Variants in SLC38A6 observed in about 807,000 individuals in gnomAD.
SLC38A6 encodes the protein solute carrier family 38 member 6.
A neutral mutation model predicts 65.0 loss-of-function variants in SLC38A6; 73 were observed. The observed-to-expected ratio is 1.12, with a 90% CI of 0.93 to 1.37. SLC38A6 has a LOEUF of 1.37. SLC38A6 is among the 40% of genes most tolerant of loss of function. The pLI is 0.00. For missense variants in SLC38A6, 561 were observed against 531.1 expected (o/e 1.06, Z -0.55); for synonymous variants, 183 against 178.8 (o/e 1.02, Z -0.19).
At chr14:61,028,974 A>G (rs556183368) in intron 5 of SLC38A6, among the ~76,000 whole-genome samples, 75 of 152,238 alleles carry the variant, frequency 4.9e-4, no homozygotes, top group African/African-American at 1.8e-3. Context: ...TGATTGAGAA[A>G]TATACATTCT....
chr14:61,038,926 T>C (rs1291701437), intron 8 of SLC38A6, among the ~76,000 whole-genome samples: 1 of 152,158 alleles, frequency 6.6e-6, no homozygotes, highest in Non-Finnish European at 1.5e-5. Context: ...AGAAAAAAAC[T>C]AAATATTTCC....
At chr14:61,061,995 G>A (rs544147085) in intron 15 of SLC38A6, among the ~76,000 whole-genome samples, 2 of 151,902 alleles carry the variant, frequency 1.3e-5, no homozygotes, top group Non-Finnish European at 2.9e-5. Flanking sequence ...CCACCACTAC[G>A]CCTGGCTAAT....
intron 8 of SLC38A6, 99 bp downstream of exon 8, chr14:61,037,782 T>A: frequency 1.4e-6 from 1 of 730,094 alleles, no homozygotes; most frequent in Non-Finnish European, 2.2e-6. Context: ...GGGAAGGGTA[T>A]CTCATTTTAT....
chr14:61,073,396 C>T (rs749560426), intron 15 of SLC38A6, among the ~76,000 whole-genome samples: 8 of 152,162 alleles, frequency 5.3e-5, no homozygotes, highest in Admixed American at 1.3e-4. Flanking sequence ...CTTAAAGGCT[C>T]CATCTCCCAA....
rs36081997 is a variant in SLC38A6 at position 61,023,600 on chromosome 14, TAC to T, written c.403+4038_403+4039del. 2.8e-3 allele frequency among the ~76,000 whole-genome samples: 416 copies of T among 146,810 alleles called. 1 individual carries two copies. Among genetic ancestry groups the T allele is most frequent in the African/African-American group, 5.2e-3 (207 of 39,694 alleles). On this transcript the variant is annotated intron_variant, in intron 5 of 15. Coordinates refer to ENST00000267488, the MANE Select transcript of SLC38A6 (RefSeq NM_153811.3). ...TAATAATAATAATAATATATATATA[TAC>T]ACACACACACACACACATATATGTA... is the stretch of plus-strand genomic sequence containing the variant.
At chr14:61,031,123 A>C (rs547578607) in intron 6 of SLC38A6, 1 of 152,180 alleles carries the variant, frequency 6.6e-6, no homozygotes, top group African/African-American at 2.4e-5. Flanking sequence ...TCTTTAAAAA[A>C]TGCATCTTAC....
Position 60,982,622 on chromosome 14 carries a change from G to A in SLC38A6, c.220G>A (p.Gly74Ser), listed in dbSNP as rs746907758. ...CTTAGCTTATGTTTTGGCTAATACCGGTGTCTTTGGATTTAGGTGAGTCTT... is the reference window on the plus strand; with the variant it reads ...CTTAGCTTATGTTTTGGCTAATACCAGTGTCTTTGGATTTAGGTGAGTCTT... ...LGLAYVLANTGVFGFSFLLLT... is the reference protein window; with the variant it reads ...LGLAYVLANTSVFGFSFLLLT... The change falls in exon 2 of 16, where the codon GGT (glycine) becomes AGT (serine). Residue 74 changes from glycine (G) to serine (S), a missense_variant. Physicochemically the swap from Gly to Ser is moderately conservative, Grantham distance 56 (BLOSUM62 0). Transcript: ENST00000267488. The A allele has an allele frequency of 3.7e-6, 6 of 1,608,474 alleles. No individual in the cohort carries two copies. Among genetic ancestry groups the A allele is most frequent in the Non-Finnish European group, 3.4e-6 (4 of 1,178,570 alleles).
At chr14:60,990,148 A>G (rs2037753994) in intron 3 of SLC38A6, among the ~76,000 whole-genome samples, 1 of 151,942 alleles carries the variant, frequency 6.6e-6, no homozygotes, top group African/African-American at 2.4e-5. Flanking sequence ...CTCCTGCCTC[A>G]GCCGTCTGAG....
At chr14:61,020,679 C>T (rs2040299108) in intron 5 of SLC38A6, among the ~76,000 whole-genome samples, 1 of 152,110 alleles carries the variant, frequency 6.6e-6, no homozygotes, top group Non-Finnish European at 1.5e-5. Context: ...TCACACTTCA[C>T]AGTAGAAAGT....
intron 6 of SLC38A6, among the ~76,000 whole-genome samples, chr14:61,035,204 G>T (rs1179472552): frequency 6.6e-6 from 1 of 152,184 alleles, no homozygotes; most frequent in African/African-American, 2.4e-5. Flanking sequence ...ATACACTTAA[G>T]TGTAAATATC....
In SLC38A6 at chr14:61,002,440, G is replaced by T. The variant is rs779343562; in HGVS notation, c.311-13464G>T. Among the ~76,000 whole-genome samples, 4 of 152,186 alleles carry T rather than the reference G, an allele frequency of 2.6e-5. No individual in the cohort carries two copies. The South Asian group carries it at 8.3e-4, about 31-fold the overall frequency. ...TGGCCAGCTTTCTGAGAGTTGAACT[G>T]TATTTGAATAACTCATGTCCCTCAA... On this transcript the variant is annotated intron_variant, in intron 3 of 15. Transcript: ENST00000267488.
chr14:61,003,812 T>G (rs949476120), intron 3 of SLC38A6, among the ~76,000 whole-genome samples: 3 of 152,138 alleles, frequency 2.0e-5, no homozygotes, highest in African/African-American at 7.2e-5. Flanking sequence ...GTGCTTCTAA[T>G]TTTTGCAACA....
chr14:61,081,480 T>C (rs1475817128), intron 16 of SLC38A6, among the ~76,000 whole-genome samples: 2 of 152,104 alleles, frequency 1.3e-5, no homozygotes, highest in African/African-American at 4.8e-5. Context: ...AGGTCAGAAG[T>C]TCGAGACCAG....
intron 3 of SLC38A6, among the ~76,000 whole-genome samples, chr14:61,015,257 C>T (rs1424119794): frequency 6.6e-6 from 1 of 152,102 alleles, no homozygotes; most frequent in Non-Finnish European, 1.5e-5. Context: ...TGGGAGTGAC[C>T]CGATTTTCCA....
intron 3 of SLC38A6, among the ~76,000 whole-genome samples, chr14:60,999,080 A>C (rs1469198509): frequency 6.6e-6 from 1 of 152,248 alleles, no homozygotes; most frequent in Non-Finnish European, 1.5e-5. Context: ...GTAGTACATA[A>C]AGTACAAAGG....
chr14:61,017,078 G>T (rs928181352), intron 4 of SLC38A6, among the ~76,000 whole-genome samples: 2 of 152,190 alleles, frequency 1.3e-5, no homozygotes, highest in Middle Eastern at 3.4e-3. Flanking sequence ...TTTCGCTCTT[G>T]TTGCCCAGGC....
intron 5 of SLC38A6, 144 bp from the exon 6 acceptor site, chr14:61,030,301 A>C: frequency 4.6e-6 from 2 of 438,196 alleles, no homozygotes; most frequent in Non-Finnish European, 4.0e-6. Context: ...GTGTGTGTGT[A>C]TGTATCTTTG....
intron 3 of SLC38A6, among the ~76,000 whole-genome samples, chr14:61,012,554 A>C (rs1204465295): frequency 6.6e-6 from 1 of 152,124 alleles, no homozygotes; most frequent in Non-Finnish European, 1.5e-5. Flanking sequence ...CACTGCTTTG[A>C]ATGTGTCCCA....
At chr14:61,036,976 G>GTGTGTT in intron 6 of SLC38A6, 83 bp from the exon 7 acceptor site, 1 of 680,324 alleles carries the variant, frequency 1.5e-6, no homozygotes, top group Non-Finnish European at 2.7e-6. Flanking sequence ...GTGTGTGTGT[G>GTGTGTT]TGTGTGTGTG....
Sources: gnomAD v4.1 joint callset for allele counts (sites outside exome capture counted in the v4.1 genomes callset) on GRCh38, gnomAD v4.1.1 for gene constraint, MANE v1.5 for transcripts, NCBI Gene and HGNC (gene_info 2026-07-23, HGNC 2026-07-21) for gene names.